The following DYM variants were observed in gnomAD, a reference collection of about 807,000 sequenced individuals.
DYM encodes the protein dymeclin, also known as dyggve-Melchior-Clausen syndrome protein.
DYM carries 78 observed loss-of-function variants against 93.1 expected under a neutral mutation model. The ratio of observed to expected loss-of-function variants is 0.84; its 90% CI spans 0.70 to 1.01. DYM has a LOEUF of 1.01. Ranked by LOEUF, DYM falls within the 50% of genes least tolerant of loss-of-function variation. The pLI, the probability that DYM is intolerant of heterozygous loss-of-function variation, is 0.00. For synonymous variants in DYM, 321 were observed against 319.7 expected, an observed-to-expected ratio of 1.00 and a Z score of -0.04; for missense variants, 789 against 845.0, an observed-to-expected ratio of 0.93 and a Z score of 0.82.
At chr18:49,456,227 A>T (rs940476405) in intron 1 of DYM, among the ~76,000 whole-genome samples, 1 of 152,238 alleles carries the variant, frequency 6.6e-6, no homozygotes, top group Non-Finnish European at 1.5e-5. Context: ...TGGGTTCCTG[A>T]TGACAGCAGA....
chr18:49,170,126 C>A (rs550872724), intron 14 of DYM, among the ~76,000 whole-genome samples: 21 of 152,230 alleles, frequency 1.4e-4, no homozygotes, highest in Non-Finnish European at 2.6e-4. Flanking sequence ...ATATCAGGTG[C>A]TGTCCATCTA....
chr18:49,380,949 G>C (rs2067989490), intron 3 of DYM, among the ~76,000 whole-genome samples: 1 of 152,136 alleles, frequency 6.6e-6, no homozygotes, highest in Non-Finnish European at 1.5e-5. Context: ...AGGCTGCCAG[G>C]AAAGTTCATT....
At chr18:49,102,422 CT>C (rs893007065) in intron 16 of DYM, among the ~76,000 whole-genome samples, 3 of 151,762 alleles carry the variant, frequency 2.0e-5, no homozygotes, top group South Asian at 4.2e-4. Context: ...TATCTTATTT[CT>C]TTTTTTTAAT....
At chr18:49,448,890 T>C (rs993757197) in intron 1 of DYM, among the ~76,000 whole-genome samples, 1 of 152,202 alleles carries the variant, frequency 6.6e-6, no homozygotes, top group East Asian at 1.9e-4. Flanking sequence ...CCAGCCCTTT[T>C]AGCAATCATA....
intron 6 of DYM, among the ~76,000 whole-genome samples, chr18:49,357,805 A>T (rs1418616688): frequency 6.6e-6 from 1 of 152,188 alleles, no homozygotes; most frequent in Non-Finnish European, 1.5e-5. Context: ...TTATTGGGAA[A>T]ATATGAGCAA....
chr18:49,062,774 A>G (rs1307467598), intron 17 of DYM, among the ~76,000 whole-genome samples: 1 of 152,242 alleles, frequency 6.6e-6, no homozygotes, highest in African/African-American at 2.4e-5. Flanking sequence ...CCCTCTTTAC[A>G]AAGTTTAGAA....
At chr18:49,214,715 C>T (rs894191554) in intron 13 of DYM, among the ~76,000 whole-genome samples, 8 of 152,116 alleles carry the variant, frequency 5.3e-5, no homozygotes, top group African/African-American at 1.9e-4. Flanking sequence ...AGAACTACAA[C>T]CTCAACTTCT....
At chr18:49,099,659 T>C (rs1250672257) in intron 16 of DYM, among the ~76,000 whole-genome samples, 4 of 152,292 alleles carry the variant, frequency 2.6e-5, no homozygotes, top group East Asian at 1.9e-4. Flanking sequence ...TAAAATGTCA[T>C]TGAAAATAAT....
At chr18:49,081,483 G>A (rs1427438823) in intron 17 of DYM, among the ~76,000 whole-genome samples, 1 of 149,752 alleles carries the variant, frequency 6.7e-6, no homozygotes, top group Non-Finnish European at 1.5e-5. Flanking sequence ...CGGCATCAGA[G>A]GGAGACCGTG....
At chr18:49,192,892 C>T (rs776179617) in intron 14 of DYM, among the ~76,000 whole-genome samples, 10 of 152,014 alleles carry the variant, frequency 6.6e-5, no homozygotes, top group African/African-American at 7.2e-5. Context: ...TGGTTACCAG[C>T]GGCCAAGGGG....
intron 2 of DYM, among the ~76,000 whole-genome samples, chr18:49,414,371 TTA>T (rs1431198924): frequency 1.3e-4 from 20 of 152,260 alleles, no homozygotes; most frequent in Non-Finnish European, 2.8e-4. Flanking sequence ...AAGGTAAATT[TTA>T]TGTTTATTTT....
intron 14 of DYM, among the ~76,000 whole-genome samples, chr18:49,195,625 C>G (rs1555795064): frequency 6.6e-6 from 1 of 152,148 alleles, no homozygotes; most frequent in African/African-American, 2.4e-5. Flanking sequence ...AGCACCCTAC[C>G]CACTCAACAC....
At chr18:49,102,204 C>T (rs1308196516) in intron 16 of DYM, among the ~76,000 whole-genome samples, 1 of 152,192 alleles carries the variant, frequency 6.6e-6, no homozygotes, top group Admixed American at 6.5e-5. Context: ...TCTGTGAGCA[C>T]TTACCATGCG....
chr18:49,189,408 TA>T lies in DYM; in HGVS notation c.1625+20142del, dbSNP rs2090758805. On this transcript the variant is annotated intron_variant, in intron 14 of 17. Coordinates refer to ENST00000675505, the MANE Select transcript of DYM (RefSeq NM_001353214.3). ...GCTTTCATAGTTCTGGCCAAACTTCTAAATGGCATATGGAGCACTGGGAAGC... is the reference window on the plus strand; with the variant it reads ...GCTTTCATAGTTCTGGCCAAACTTCTAATGGCATATGGAGCACTGGGAAGC... 2.0e-5 allele frequency among the ~76,000 whole-genome samples: 3 copies of T among 152,336 alleles called. No homozygotes were observed. In the South Asian group the frequency reaches 6.2e-4, roughly 32 times the overall value.
chr18:49,422,878 A>T (rs987571129), intron 2 of DYM, among the ~76,000 whole-genome samples: 21 of 152,212 alleles, frequency 1.4e-4, no homozygotes, highest in Non-Finnish European at 2.4e-4. Flanking sequence ...CCAATACAGG[A>T]GCACCCAGAT....
intron 2 of DYM, among the ~76,000 whole-genome samples, chr18:49,406,000 T>C (rs758860744): frequency 6.6e-6 from 1 of 152,168 alleles, no homozygotes. Flanking sequence ...GTTAATGGGT[T>C]TGCATTCTTG....
At chr18:49,399,407 G>A (rs1354396743) in intron 2 of DYM, among the ~76,000 whole-genome samples, 3 of 152,116 alleles carry the variant, frequency 2.0e-5, no homozygotes, top group Admixed American at 6.5e-5. Context: ...CTACAAAGCT[G>A]GAAAAGTATT....
At chr18:49,138,749 G>A (rs776438633) in intron 15 of DYM, among the ~76,000 whole-genome samples, 13 of 152,130 alleles carry the variant, frequency 8.5e-5, no homozygotes, top group Non-Finnish European at 1.9e-4. Flanking sequence ...ACTGAAAATT[G>A]TGAAAAATGC....
Position 49,203,701 on chromosome 18 carries a change from G to T in DYM, c.1625+5850C>A, listed in dbSNP as rs1179561420. 2.2e-4 allele frequency among the ~76,000 whole-genome samples: 31 copies of T among 140,894 alleles called. No individual in the cohort carries two copies. In the East Asian group the frequency reaches 6.2e-3, roughly 28 times the overall value. 92.4% of individuals were successfully genotyped at this position (140,894 alleles called of 152,430 possible). A position where few individuals can be genotyped will look rare whatever the true frequency, so the allele number is the denominator to read the frequency against. ...CCAATCCCTAATCTCAAGTAATCAGGGACACAAACACTGCGGAAGGCCGCA... is the reference window on the plus strand; with the variant it reads ...CCAATCCCTAATCTCAAGTAATCAGTGACACAAACACTGCGGAAGGCCGCA... On this transcript the variant is annotated intron_variant, in intron 14 of 17. Coordinates refer to ENST00000675505, the MANE Select transcript of DYM (RefSeq NM_001353214.3).
Sources: gnomAD v4.1 joint callset for allele counts (sites outside exome capture counted in the v4.1 genomes callset) on GRCh38, gnomAD v4.1.1 for gene constraint, MANE v1.5 for transcripts, NCBI Gene and HGNC (gene_info 2026-07-23, HGNC 2026-07-21) for gene names.